RING1: variants seen among roughly 807,000 people sequenced by gnomAD.
RING1 encodes E3 ubiquitin-protein ligase RING1.
A neutral mutation model predicts 35.0 loss-of-function variants in RING1; 8 were observed. The ratio of observed to expected loss-of-function variants is 0.23; its 90% CI spans 0.13 to 0.41. RING1 has a LOEUF of 0.41. Ranked by LOEUF, RING1 falls within the 10% of genes least tolerant of loss-of-function variation. RING1 has a pLI of 1.00. For missense variants in RING1, 343 were observed against 546.8 expected, an observed-to-expected ratio of 0.63 and a Z score of 3.72; for synonymous variants, 214 against 224.3, an observed-to-expected ratio of 0.95 and a Z score of 0.41.
At chr6:33,212,207 T>C in intron 6 of RING1, 91 bp from the exon 7 acceptor site, 1 of 1,002,448 alleles carries the variant, frequency 1.0e-6, no homozygotes, top group Non-Finnish European at 1.5e-6. Flanking sequence ...CCTCCTCCCT[T>C]GGTCACCTTT....
Position 33,208,786 on chromosome 6 carries a change from C to T in RING1, c.-37C>T. 6.4e-7 allele frequency: 1 copy of T among 1,554,106 alleles called. No individual in the cohort carries two copies. The highest frequency in any genetic ancestry group is 8.7e-7 in the Non-Finnish European group (1 of 1,145,088). The stretch of plus-strand genomic sequence containing the variant: ...CCAGCCTTCTTCGCCTTCTCCTCGG[C>T]TGTGGAGCCCTGGTGGGGGGTCTGC... On this transcript the variant is annotated 5_prime_UTR_variant, in exon 2 of 7. Transcript: ENST00000374656. The surrounding 1 kb of genome is among the most constrained non-coding windows in gnomAD (Gnocchi z 6.2).
In RING1 at chr6:33,212,410, G is replaced by T. The variant is rs1454450090; in HGVS notation, c.*11G>T. On this transcript the variant is annotated 3_prime_UTR_variant, in exon 7 of 7. Coordinates refer to ENST00000374656, the MANE Select transcript of RING1 (RefSeq NM_002931.4). ...AAGGATCCAAAGTGACCCCACCAGGGGACAGCCAGAGGAAGGGGACCATGG... is the reference window on the plus strand; with the variant it reads ...AAGGATCCAAAGTGACCCCACCAGGTGACAGCCAGAGGAAGGGGACCATGG... 3.9e-6 allele frequency: 6 copies of T among 1,556,774 alleles called. No individual in the cohort carries two copies. The Admixed American group carries it at 1.1e-4, about 28-fold the overall frequency.
Position 33,211,562 on chromosome 6 carries a change from CT to C in RING1, c.845+18del, listed in dbSNP as rs1237988271. 2.5e-6 allele frequency: 4 copies of C among 1,605,244 alleles called. No individual in the cohort carries two copies. Among genetic ancestry groups the C allele is most frequent in the Admixed American group, 3.4e-5 (2 of 58,482 alleles). Reference sequence around the variant, plus strand: ...TGCCAGACGAGGTGAGGAGCCCTGTCTTTCCCCAGCCACTGAGAAACCAAAG... The same window carrying C: ...TGCCAGACGAGGTGAGGAGCCCTGTCTTCCCCAGCCACTGAGAAACCAAAG... On this transcript the variant is annotated intron_variant, in intron 5 of 6. Coordinates refer to ENST00000374656, the MANE Select transcript of RING1 (RefSeq NM_002931.4). The surrounding 1 kb of genome is among the most constrained non-coding windows in gnomAD (Gnocchi z 6.3).
Position 33,211,313 on chromosome 6 carries a change from G to A in RING1, c.611G>A (p.Arg204His), listed in dbSNP as rs755324202. 19 of 1,611,428 alleles carry A rather than the reference G, an allele frequency of 1.2e-5. No individual in the cohort carries two copies. The highest frequency in any genetic ancestry group is 4.4e-5 in the South Asian group (4 of 91,030). ...SAPGPAPKRPRGGGAGGSSVG... is the reference protein window; with the variant it reads ...SAPGPAPKRPHGGGAGGSSVG... ...CCAGGCCCTGCTCCCAAGCGACCCC[G>A]TGGAGGGGGCGCAGGGGGGAGCAGT... Residue 204 changes from arginine to histidine, a missense_variant, in exon 5 of 7, where the codon CGT becomes CAT. Around this residue, in one of 2 missense-constraint regions of RING1, gnomAD observed 278 missense variants for 383.5 expected, o/e 0.72. Coordinates refer to ENST00000374656, the MANE Select transcript of RING1 (RefSeq NM_002931.4). The surrounding 1 kb of genome is among the most constrained non-coding windows in gnomAD (Gnocchi z 6.3).
Position 33,208,667 on chromosome 6 carries a change from G to C in RING1, c.-59+23G>C. On this transcript the variant is annotated intron_variant, in intron 1 of 6. Coordinates refer to ENST00000374656, the MANE Select transcript of RING1 (RefSeq NM_002931.4). The surrounding 1 kb of genome is among the most constrained non-coding windows in gnomAD (Gnocchi z 6.2). Reference sequence around the variant, plus strand: ...TGGGTGAGGGGCAGTGCCGGCGCGGGGGCGGGAGCGGGGGCGGAGAGGGGC... The same window carrying C: ...TGGGTGAGGGGCAGTGCCGGCGCGGCGGCGGGAGCGGGGGCGGAGAGGGGC... 2 of 612,440 alleles carry C rather than the reference G, an allele frequency of 3.3e-6. No individual in the cohort carries two copies. The highest frequency in any genetic ancestry group is 6.1e-5 in the East Asian group (2 of 33,056). 37.9% of individuals were successfully genotyped at this position (612,440 alleles called of 1,614,324 possible). A position where few individuals can be genotyped will look rare whatever the true frequency, so the allele number is the denominator to read the frequency against.
At position 33,212,004 on chromosome 6, in the gene RING1, T is replaced by A; in HGVS notation, c.1119+2T>A. On this transcript the variant is annotated splice_donor_variant, in intron 6 of 6. Transcript: ENST00000374656. LOFTEE classifies it high-confidence loss of function. ...GCACCTGGAGGCGGGGCGTTCACGG[T>A]GAGAGCTTCTGAGGGCAGTGGTAGA... 6.6e-7 allele frequency: 1 copy of A among 1,520,384 alleles called. No individual in the cohort carries two copies. Among genetic ancestry groups the A allele is most frequent in the Non-Finnish European group, 8.9e-7 (1 of 1,129,940 alleles). The allele number at this position is 1,520,384 out of a possible 1,614,324, so 94.2% of individuals were successfully genotyped here.
chr6:33,210,039 G>T lies in RING1; in HGVS notation c.364G>T (p.Asp122Tyr). The T allele has an allele frequency of 6.2e-7, 1 of 1,614,210 alleles. No individual in the cohort carries two copies. The highest frequency in any genetic ancestry group is 8.5e-7 in the Non-Finnish European group (1 of 1,180,040). ...PSREEYEAHQ[D>Y]RVLIRLSRLH... Reference sequence around the variant, plus strand: ...CCGGGAGGAATACGAGGCCCATCAAGACCGAGTGCTTATCCGCCTGAGCCG... The same window carrying T: ...CCGGGAGGAATACGAGGCCCATCAATACCGAGTGCTTATCCGCCTGAGCCG... Residue 122 changes from aspartate to tyrosine, a missense_variant, in exon 4 of 7, where the codon GAC (aspartate) becomes TAC (tyrosine). Asp to Tyr is a radical substitution (Grantham distance 160). This residue lies in a region of RING1 where 65 missense variants were observed against 163.3 expected (regional missense o/e 0.40). Transcript: ENST00000374656.
rs373700412 is a variant in RING1, at chr6:33,208,507, C to T, written c.-196C>T. 18 of 422,252 alleles carry T rather than the reference C, an allele frequency of 4.3e-5. No homozygotes were observed. The highest frequency in any genetic ancestry group is 1.8e-4 in the African/African-American group (9 of 48,682). 26.2% of individuals were successfully genotyped at this position (422,252 alleles called of 1,614,324 possible). On this transcript the variant is annotated 5_prime_UTR_variant, in exon 1 of 7. Transcript: ENST00000374656. The surrounding 1 kb of genome is among the most constrained non-coding windows in gnomAD (Gnocchi z 6.2). ...GGAGCAGGCGGAAGTGACGTAGGGC[C>T]CCAGCGCCCGGGCCATGGCGGCGGC...
rs1323058810 is a variant in RING1 at position 33,208,732 on chromosome 6, CT to C, written c.-58-32del. 30 of 1,078,620 alleles carry C rather than the reference CT, an allele frequency of 2.8e-5. No individual in the cohort carries two copies. Among genetic ancestry groups the C allele is most frequent in the South Asian group, 1.3e-4 (8 of 60,188 alleles). The allele number at this position is 1,078,620 out of a possible 1,614,324, so 66.8% of individuals were successfully genotyped here. A position where few individuals can be genotyped will look rare whatever the true frequency, so the allele number is the denominator to read the frequency against. On this transcript the variant is annotated intron_variant, in intron 1 of 6. Coordinates refer to ENST00000374656, the MANE Select transcript of RING1 (RefSeq NM_002931.4). The surrounding 1 kb of genome is among the most constrained non-coding windows in gnomAD (Gnocchi z 6.2). ...GGGGTCTACGCGAGGGGCGGCCCCC[CT>C]GACGCCCTCCTCCCCTTCCCCCCAC...
Position 33,209,319 on chromosome 6 carries a change from T to C in RING1, c.79-307T>C, listed in dbSNP as rs1008043217. On this transcript the variant is annotated intron_variant, in intron 2 of 6. Coordinates refer to ENST00000374656, the MANE Select transcript of RING1 (RefSeq NM_002931.4). The surrounding 1 kb of genome is among the most constrained non-coding windows in gnomAD (Gnocchi z 5.1). Reference sequence around the variant, plus strand: ...GTTCTAATACAGGTAGCACCAGGACTTTAAAAAATTTTGTTGAATAGTTTT... The same window carrying C: ...GTTCTAATACAGGTAGCACCAGGACCTTAAAAAATTTTGTTGAATAGTTTT... 5.3e-6 allele frequency: 3 copies of C among 569,966 alleles called. No individual in the cohort carries two copies. The highest frequency in any genetic ancestry group is 6.2e-5 in the Admixed American group (2 of 32,084). The allele number at this position is 569,966 out of a possible 1,614,324, so 35.3% of individuals were successfully genotyped here. A position where few individuals can be genotyped will look rare whatever the true frequency, so the allele number is the denominator to read the frequency against.
rs1285408221 is a variant in RING1 at position 33,209,012 on chromosome 6, C to T, written c.78+112C>T. 1 of 903,118 alleles carries T rather than the reference C, an allele frequency of 1.1e-6. No individual in the cohort carries two copies. The highest frequency in any genetic ancestry group is 1.6e-5 in the African/African-American group (1 of 60,900). 55.9% of individuals were successfully genotyped at this position (903,118 alleles called of 1,614,324 possible). On this transcript the variant is annotated intron_variant, in intron 2 of 6. Coordinates refer to ENST00000374656, the MANE Select transcript of RING1 (RefSeq NM_002931.4). The surrounding 1 kb of genome is among the most constrained non-coding windows in gnomAD (Gnocchi z 5.1). ...TTGCTCTATTCTGCCTTGCCTGGCC[C>T]TACCTTTGAATCACCTTAATCTTTC...
chr6:33,208,909 C>G lies in RING1; in HGVS notation c.78+9C>G. 1 of 1,608,556 alleles carries G rather than the reference C, an allele frequency of 6.2e-7. No individual in the cohort carries two copies. The highest frequency in any genetic ancestry group is 8.5e-7 in the Non-Finnish European group (1 of 1,176,870). ...TGCACCGGACCCCGCAGGTGACAGG[C>G]ATTCTCCCTTTCAGGCTTACCCCCT... On this transcript the variant is annotated intron_variant, in intron 2 of 6. Transcript: ENST00000374656. The surrounding 1 kb of genome is among the most constrained non-coding windows in gnomAD (Gnocchi z 6.2).
In RING1 at chr6:33,212,533, T is replaced by A. The variant is rs749406668; in HGVS notation, c.*134T>A. On this transcript the variant is annotated 3_prime_UTR_variant, in exon 7 of 7. Coordinates refer to ENST00000374656, the MANE Select transcript of RING1 (RefSeq NM_002931.4). ...GAGGACACAAATGAGGACACGTGGC[T>A]TTTATACAAAGTATCTATATGAGAT... The A allele has an allele frequency of 1.4e-4, 87 of 628,872 alleles. No homozygotes were observed. Among genetic ancestry groups the A allele is most frequent in the Admixed American group, 9.5e-4 (34 of 35,946 alleles). The allele number at this position is 628,872 out of a possible 1,614,324, so 39.0% of individuals were successfully genotyped here.
At position 33,208,635 on chromosome 6, in the gene RING1, C is replaced by T. The variant is rs1023513998; in HGVS notation, c.-68C>T. 2 of 552,046 alleles carry T rather than the reference C, an allele frequency of 3.6e-6. No homozygotes were observed. Among genetic ancestry groups the T allele is most frequent in the Non-Finnish European group, 3.1e-6 (1 of 319,998 alleles). The allele number at this position is 552,046 out of a possible 1,614,324, so 34.2% of individuals were successfully genotyped here. ...GCGGCGGCGGCGGGAGCGCGAACGGCTGGAGCTGGGTGAGGGGCAGTGCCG... is the reference window on the plus strand; with the variant it reads ...GCGGCGGCGGCGGGAGCGCGAACGGTTGGAGCTGGGTGAGGGGCAGTGCCG... On this transcript the variant is annotated 5_prime_UTR_variant, in exon 1 of 7. Transcript: ENST00000374656. This position sits in a 1 kb window ranked among gnomAD's most constrained non-coding sequence, Gnocchi z 6.2.
chr6:33,210,326 C>G (rs759716531), intron 4 of RING1, among the ~76,000 whole-genome samples, 196 bp downstream of exon 4: 2 of 152,154 alleles, frequency 1.3e-5, no homozygotes, highest in Non-Finnish European at 2.9e-5. Flanking sequence ...TAGGGCTGGG[C>G]ACAGTGACTC....
In RING1 at chr6:33,208,655, G is replaced by A. The variant is rs1775304605; in HGVS notation, c.-59+11G>A. On this transcript the variant is annotated intron_variant, in intron 1 of 6. Transcript: ENST00000374656. The surrounding 1 kb of genome is among the most constrained non-coding windows in gnomAD (Gnocchi z 6.2). ...AACGGCTGGAGCTGGGTGAGGGGCAGTGCCGGCGCGGGGGCGGGAGCGGGG... is the reference window on the plus strand; with the variant it reads ...AACGGCTGGAGCTGGGTGAGGGGCAATGCCGGCGCGGGGGCGGGAGCGGGG... The A allele has an allele frequency of 1.8e-5, 11 of 598,158 alleles. No individual in the cohort carries two copies. Among genetic ancestry groups the A allele is most frequent in the Non-Finnish European group, 3.2e-5 (11 of 349,114 alleles). 37.1% of individuals were successfully genotyped at this position (598,158 alleles called of 1,614,324 possible).
Position 33,210,005 on chromosome 6 carries a change from C to T in RING1, c.330C>T (p.Ile110=), listed in dbSNP as rs61736933. 18,071 of 1,614,216 alleles carry T rather than the reference C, an allele frequency of 0.011. 131 individuals are homozygous for T. The highest frequency in any genetic ancestry group is 0.016 in the Middle Eastern group (96 of 6,062). ...DPNFDALISK[I]YPSREEYEAH... ...ACTTTGATGCCCTGATCTCTAAGAT[C>T]TATCCTAGCCGGGAGGAATACGAGG... Residue 110 remains isoleucine (I), a synonymous_variant, in exon 4 of 7, where the codon ATC becomes ATT. Coordinates refer to ENST00000374656, the MANE Select transcript of RING1 (RefSeq NM_002931.4).
intron 4 of RING1, among the ~76,000 whole-genome samples, chr6:33,210,884 C>T (rs1244228954): frequency 6.6e-6 from 1 of 152,178 alleles, no homozygotes; most frequent in African/African-American, 2.4e-5. Flanking sequence ...TGAGAGGTGA[C>T]AGCCTATGAT....
intron 4 of RING1, among the ~76,000 whole-genome samples, chr6:33,210,567 T>C (rs921827500): frequency 6.6e-6 from 1 of 150,736 alleles, no homozygotes; most frequent in African/African-American, 2.4e-5. Flanking sequence ...ATCACACCAC[T>C]GCACACTGCA....
Sources: allele counts gnomAD v4.1 joint callset (sites outside exome capture counted in the v4.1 genomes callset), GRCh38; gene constraint gnomAD v4.1.1; regional missense constraint gnomAD v4.1.1; non-coding constraint Gnocchi (gnomAD v3.1); transcripts MANE v1.5; gene names NCBI Gene and HGNC (gene_info 2026-07-23, HGNC 2026-07-21).